Variants in MYO1D observed in about 807,000 individuals in gnomAD.
MYO1D encodes unconventional myosin-Id.
Under a neutral mutation model 122.0 loss-of-function variants are expected in MYO1D, and 83 were observed. The ratio of observed to expected loss-of-function variants is 0.68; its 90% CI spans 0.57 to 0.82. MYO1D has a LOEUF of 0.82. MYO1D is among the 40% of genes least tolerant of loss of function. MYO1D has a pLI of 0.00. For missense variants in MYO1D, 1,157 were observed against 1,269.5 expected (o/e 0.91, Z 1.35); for synonymous variants, 464 against 446.9 (o/e 1.04, Z -0.48).
intron 1 of MYO1D, among the ~76,000 whole-genome samples, chr17:32,837,690 A>G (rs958382801): frequency 4.6e-5 from 7 of 152,154 alleles, no homozygotes; most frequent in African/African-American, 1.7e-4. Context: ...GAAAAATTCT[A>G]TCAGTTGATA....
chr17:32,622,699 C>T (rs1163041591), intron 20 of MYO1D, among the ~76,000 whole-genome samples: 1 of 152,218 alleles, frequency 6.6e-6, no homozygotes, highest in African/African-American at 2.4e-5. Context: ...AAGCTGACTT[C>T]ATCCGACTCT....
intron 21 of MYO1D, chr17:32,496,036 CAGCATGCGCTG>C (rs1909094217): frequency 6.6e-6 from 1 of 152,364 alleles, no homozygotes; most frequent in African/African-American, 2.4e-5. Context: ...GGGCCAAGGC[CAGCATGCGCTG>C]AGCTTCTGCC....
chr17:32,651,676 T>TTTA (rs1204733228), intron 19 of MYO1D, among the ~76,000 whole-genome samples: 1 of 133,438 alleles, frequency 7.5e-6, no homozygotes, highest in Non-Finnish European at 1.5e-5. Context: ...TTTTCCCACT[T>TTTA]TTTTTTTTTT....
At chr17:32,540,706 A>G (rs1332129420) in intron 21 of MYO1D, among the ~76,000 whole-genome samples, 1 of 152,024 alleles carries the variant, frequency 6.6e-6, no homozygotes, top group Non-Finnish European at 1.5e-5. Context: ...TGGGCGGATC[A>G]CTTGAGGTCA....
At chr17:32,739,166 A>G (rs1266284450) in intron 13 of MYO1D, among the ~76,000 whole-genome samples, 2 of 152,098 alleles carry the variant, frequency 1.3e-5, no homozygotes, top group African/African-American at 4.8e-5. Context: ...AAGCAGTTGG[A>G]ACTCAAAATG....
At chr17:32,746,594 A>G in intron 12 of MYO1D, among the ~76,000 whole-genome samples, 1 of 152,226 alleles carries the variant, frequency 6.6e-6, no homozygotes, top group East Asian at 1.9e-4. Flanking sequence ...ATGTGTAAAA[A>G]TAAGAACACA....
chr17:32,812,149 C>G (rs953930652), intron 1 of MYO1D, among the ~76,000 whole-genome samples: 2 of 152,120 alleles, frequency 1.3e-5, no homozygotes, highest in African/African-American at 4.8e-5. Flanking sequence ...GTTTTGAATT[C>G]TGAGTTTGAG....
chr17:32,698,136 C>T (rs1343519213), intron 16 of MYO1D, among the ~76,000 whole-genome samples: 1 of 152,188 alleles, frequency 6.6e-6, no homozygotes, highest in Non-Finnish European at 1.5e-5. Flanking sequence ...TCACAAGGTT[C>T]TTGTAATGAC....
At chr17:32,874,322 C>T (rs2091210049) in intron 1 of MYO1D, among the ~76,000 whole-genome samples, 1 of 151,960 alleles carries the variant, frequency 6.6e-6, no homozygotes, top group African/African-American at 2.4e-5. Context: ...CTCTTTGTGT[C>T]TCTGTCTCTC....
At chr17:32,521,096 C>T (rs1292953189) in intron 21 of MYO1D, among the ~76,000 whole-genome samples, 1 of 152,146 alleles carries the variant, frequency 6.6e-6, no homozygotes, top group Non-Finnish European at 1.5e-5. Flanking sequence ...TAGAACTGGG[C>T]CTTGAGAAAA....
chr17:32,773,450 G>A (rs1401725763), intron 4 of MYO1D, among the ~76,000 whole-genome samples: 1 of 152,062 alleles, frequency 6.6e-6, no homozygotes, highest in Non-Finnish European at 1.5e-5. Flanking sequence ...GATCACTGTG[G>A]GGACACTTGC....
At chr17:32,536,615 A>C (rs1910672702) in intron 21 of MYO1D, among the ~76,000 whole-genome samples, 1 of 152,240 alleles carries the variant, frequency 6.6e-6, no homozygotes, top group African/African-American at 2.4e-5. Flanking sequence ...TTCTAAAGAC[A>C]ACGCCAATTA....
chr17:32,598,680 T>C (rs1038748269), intron 21 of MYO1D, among the ~76,000 whole-genome samples: 7 of 152,214 alleles, frequency 4.6e-5, no homozygotes, highest in Non-Finnish European at 1.0e-4. Context: ...TTTTTTTTGG[T>C]TTTCCAGTGC....
At chr17:32,769,321 T>C (rs950767534) in intron 6 of MYO1D, among the ~76,000 whole-genome samples, 4 of 152,146 alleles carry the variant, frequency 2.6e-5, no homozygotes, top group African/African-American at 9.7e-5. Context: ...GTGGCAGAGT[T>C]GTAAGTTGGG....
At chr17:32,833,144 A>G (rs545154859) in intron 1 of MYO1D, among the ~76,000 whole-genome samples, 1 of 152,118 alleles carries the variant, frequency 6.6e-6, no homozygotes, top group Non-Finnish European at 1.5e-5. Flanking sequence ...CAAACGTAGC[A>G]TGTTAACACT....
intron 1 of MYO1D, among the ~76,000 whole-genome samples, chr17:32,841,744 A>G (rs773004537): frequency 4.1e-4 from 62 of 151,884 alleles, no homozygotes; most frequent in Non-Finnish European, 5.7e-4. Flanking sequence ...TTAGCCTAAT[A>G]GAGGAGGATA....
Position 32,585,676 on chromosome 17 carries a change from G to A in MYO1D, c.2864+19411C>T, listed in dbSNP as rs570231916. ...ACGTGGGAGGCGGAGGTTGCAGTGA[G>A]CTGAGATCGCGCCACTGCACTCCAG... is the stretch of plus-strand genomic sequence containing the variant. On this transcript the variant is annotated intron_variant, in intron 21 of 21. Coordinates refer to ENST00000318217, the MANE Select transcript of MYO1D (RefSeq NM_015194.3). Among the ~76,000 whole-genome samples, 5 of 150,530 alleles carry A rather than the reference G, an allele frequency of 3.3e-5. No individual in the cohort carries two copies. In the East Asian group the frequency reaches 9.8e-4, roughly 30 times the overall value.
chr17:32,667,061 G>A (rs939879083), intron 16 of MYO1D, among the ~76,000 whole-genome samples: 14 of 152,282 alleles, frequency 9.2e-5, no homozygotes, highest in Admixed American at 7.8e-4. Flanking sequence ...GACACCTTAC[G>A]GTTGTTAAAA....
chr17:32,710,641 T>C (rs1419453670), intron 16 of MYO1D, among the ~76,000 whole-genome samples: 1 of 152,192 alleles, frequency 6.6e-6, no homozygotes, highest in Non-Finnish European at 1.5e-5. Flanking sequence ...ATGGATAAAG[T>C]TCATTAGAAT....
Sources: gnomAD v4.1 joint callset for allele counts (sites outside exome capture counted in the v4.1 genomes callset) on GRCh38, gnomAD v4.1.1 for gene constraint, MANE v1.5 for transcripts, NCBI Gene and HGNC (gene_info 2026-07-23, HGNC 2026-07-21) for gene names.